Variants in FBXO34 observed in about 807,000 individuals in gnomAD.
FBXO34 encodes the protein F-box only protein 34.
Under a neutral mutation model 24.5 loss-of-function variants are expected in FBXO34, and 12 were observed. That is an observed-to-expected ratio of 0.49 (90% CI 0.31 to 0.79). The LOEUF is 0.79. Ranked by LOEUF, FBXO34 falls within the 30% of genes least tolerant of loss-of-function variation. The probability of loss-of-function intolerance (pLI) is 0.04; values close to 1 mark genes in which losing one functional copy is unlikely to be tolerated. For missense variants in FBXO34, 823 were observed against 857.7 expected (o/e 0.96, Z 0.51); for synonymous variants, 320 against 311.9 (o/e 1.03, Z -0.27).
At chr14:55,322,678 T>C (rs1007113001) in intron 1 of FBXO34, among the ~76,000 whole-genome samples, 10 of 152,100 alleles carry the variant, frequency 6.6e-5, no homozygotes, top group Non-Finnish European at 1.5e-4. Context: ...GCAAATATTA[T>C]TGTCCCATTC....
downstream of FBXO34, among the ~76,000 whole-genome samples, chr14:55,358,101 G>A (rs752085447): frequency 6.8e-6 from 1 of 147,264 alleles, no homozygotes; most frequent in Non-Finnish European, 1.5e-5. Context: ...TACAGACAAC[G>A]CAGCATGATT....
At position 55,358,719 on chromosome 14, in the gene FBXO34, T is replaced by C. The variant is rs558564739; in HGVS notation, c.*589-3014T>C. On this transcript the variant is annotated intron_variant and NMD_transcript_variant, in intron 3 of 3. Coordinates refer to the FBXO34 transcript ENST00000555280. ...GAGGCCCCAGCTGCCTGGTTGGGGG[T>C]AGTAGTGGGTGGGGTAGTAGTGGGC... Among the ~76,000 whole-genome samples the C allele has an allele frequency of 1.2e-4, 18 of 151,634 alleles. No individual in the cohort carries two copies. In the South Asian group the frequency reaches 3.6e-3, roughly 30 times the overall value.
chr14:55,292,368 T>C (rs1439395458), intron 1 of FBXO34, among the ~76,000 whole-genome samples: 10 of 152,184 alleles, frequency 6.6e-5, no homozygotes, highest in Non-Finnish European at 1.3e-4. Flanking sequence ...CATTTTTTTT[T>C]TTCTTTTTTG....
chr14:55,290,834 T>G (rs923168669), intron 1 of FBXO34, among the ~76,000 whole-genome samples: 2 of 152,192 alleles, frequency 1.3e-5, no homozygotes, highest in Non-Finnish European at 2.9e-5. Flanking sequence ...TTTTTATTTA[T>G]TTATTTTGAG....
chr14:55,349,676 A>C (rs958967080), intron 1 of FBXO34, among the ~76,000 whole-genome samples: 22 of 136,544 alleles, frequency 1.6e-4, no homozygotes, highest in Admixed American at 1.4e-3. Flanking sequence ...GGTGTGTGCG[A>C]TCTTGGCTGC....
chr14:55,324,342 G>A (rs1276500772), intron 1 of FBXO34, among the ~76,000 whole-genome samples: 2 of 152,006 alleles, frequency 1.3e-5, no homozygotes, highest in Admixed American at 1.3e-4. Flanking sequence ...TTATCTCTTG[G>A]TAGACAGAAG....
the FBXO34 span, among the ~76,000 whole-genome samples, chr14:55,383,906 G>A: frequency 2.6e-5 from 4 of 152,346 alleles, no homozygotes; most frequent in South Asian, 8.3e-4. Flanking sequence ...GACAGTACTG[G>A]GAAAGCAGGT....
At chr14:55,405,652 G>A in the FBXO34 span, among the ~76,000 whole-genome samples, 41 of 152,138 alleles carry the variant, frequency 2.7e-4, no homozygotes, top group Non-Finnish European at 5.6e-4. Flanking sequence ...CAACCTATCA[G>A]GTATCTACTG....
In FBXO34 at chr14:55,352,411, G is replaced by T; in HGVS notation, c.2021G>T (p.Gly674Val). The change falls in exon 2 of 2, where the codon GGA becomes GTA. Residue 674 changes from glycine to valine, a missense_variant. Physicochemically the swap from Gly to Val is moderately radical, Grantham distance 109. Transcript: ENST00000313833. ...ATGTGCTGCCACCGGTCTCAGAAAG[G>T]ATTCCCTGGCTGTAAGCTGGGGCTT... ...YWMCCHRSQKGFPGCKLGLHD... is the reference protein window; with the variant it reads ...YWMCCHRSQKVFPGCKLGLHD... 1 of 1,614,252 alleles carries T rather than the reference G, an allele frequency of 6.2e-7. No homozygotes were observed. The highest frequency in any genetic ancestry group is 8.5e-7 in the Non-Finnish European group (1 of 1,180,046).
the FBXO34 span, among the ~76,000 whole-genome samples, chr14:55,408,379 CAG>C: frequency 1.3e-5 from 2 of 152,142 alleles, no homozygotes; most frequent in Non-Finnish European, 2.9e-5. Context: ...CGCTTGAGAA[CAG>C]GGAGGTCAAA....
intron 1 of FBXO34, among the ~76,000 whole-genome samples, chr14:55,323,225 A>ATATTTT (rs1555337925): frequency 1.6e-4 from 3 of 19,204 alleles, no homozygotes; most frequent in East Asian, 1.4e-3. Flanking sequence ...AAAAATATAT[A>ATATTTT]TTTTTTTTTT....
chr14:55,367,428 A>G (rs1233111796), exon 3 of FBXO34: 6 of 152,272 alleles, frequency 3.9e-5, no homozygotes, highest in Admixed American at 2.6e-4. Context: ...CACTTAAAAC[A>G]GAGATCCCAG....
downstream of FBXO34, chr14:55,369,496 C>T: frequency 9.8e-7 from 1 of 1,025,590 alleles, no homozygotes; most frequent in Non-Finnish European, 1.3e-6. Flanking sequence ...AAAGACAAAA[C>T]AAAACAACAC....
intron 1 of FBXO34, among the ~76,000 whole-genome samples, chr14:55,325,091 C>G (rs2140033478): frequency 6.6e-6 from 1 of 152,322 alleles, no homozygotes; most frequent in East Asian, 1.9e-4. Flanking sequence ...TAAGTTTCAA[C>G]ATATGAATTG....
At chr14:55,350,152 A>G (rs1884296897) in intron 1 of FBXO34, among the ~76,000 whole-genome samples, 1 of 135,114 alleles carries the variant, frequency 7.4e-6, no homozygotes, top group Non-Finnish European at 1.6e-5. Flanking sequence ...AAACCAATTT[A>G]TTTTCTGTAA....
At chr14:55,353,698 T>C (rs1195637584), downstream of FBXO34, 3 of 165,928 alleles carry the variant, frequency 1.8e-5, no homozygotes, top group African/African-American at 7.2e-5. Flanking sequence ...TTTTTTAAAT[T>C]GTTTTGAATT....
chr14:55,296,084 T>A (rs1882111380), intron 1 of FBXO34, among the ~76,000 whole-genome samples: 1 of 152,152 alleles, frequency 6.6e-6, no homozygotes, highest in South Asian at 2.1e-4. Context: ...ATGCCTGTAG[T>A]TGAAGACCAG....
chr14:55,277,588 T>A (rs1364919269), intron 1 of FBXO34, among the ~76,000 whole-genome samples: 1 of 152,128 alleles, frequency 6.6e-6, no homozygotes, highest in East Asian at 1.9e-4. Flanking sequence ...AGCCTTGAAC[T>A]TTTGGGCTCA....
chr14:55,332,863 T>C (rs1464171339), intron 1 of FBXO34, among the ~76,000 whole-genome samples: 1 of 152,194 alleles, frequency 6.6e-6, no homozygotes, highest in African/African-American at 2.4e-5. Flanking sequence ...TACGAGGCAC[T>C]GTTTGTGGTG....
Sources: allele counts gnomAD v4.1 joint callset (sites outside exome capture counted in the v4.1 genomes callset), GRCh38; gene constraint gnomAD v4.1.1; transcripts MANE v1.5; gene names NCBI Gene and HGNC (gene_info 2026-07-23, HGNC 2026-07-21).